Variants in HNF4G observed in about 807,000 individuals in gnomAD.
The protein encoded by HNF4G is hepatocyte nuclear factor 4 gamma, also known as hepatocyte nuclear factor 4-gamma.
HNF4G carries 21 observed loss-of-function variants against 50.9 expected under a neutral mutation model. The observed-to-expected ratio is 0.41, with a 90% CI of 0.29 to 0.59. The LOEUF (loss-of-function observed/expected upper bound fraction) is 0.59, where lower values mean the gene tolerates loss of function less well. HNF4G is among the 20% of genes least tolerant of loss of function. The pLI is 0.26. For synonymous variants in HNF4G, 198 were observed against 185.6 expected (o/e 1.07, Z -0.54); for missense variants, 527 against 559.4 (o/e 0.94, Z 0.58).
intron 1 of HNF4G, among the ~76,000 whole-genome samples, chr8:75,430,078 G>A (rs1487057355): frequency 6.6e-6 from 1 of 151,774 alleles, no homozygotes; most frequent in Non-Finnish European, 1.5e-5. Flanking sequence ...TTGAACCCGG[G>A]AGGCAGAGAT....
chr8:75,526,257 T>G, intron 2 of HNF4G, among the ~76,000 whole-genome samples: 1 of 151,656 alleles, frequency 6.6e-6, no homozygotes, highest in Non-Finnish European at 1.5e-5. Flanking sequence ...ACCTCCCGAG[T>G]AGCTGTGACC....
chr8:75,489,385 T>C (rs2067985), intron 1 of HNF4G, among the ~76,000 whole-genome samples: 34,717 of 152,096 alleles, frequency 0.23, 5,173 homozygotes, highest in African/African-American at 0.42. Flanking sequence ...AATAATGGAA[T>C]TATTAATGCT....
At chr8:75,446,956 A>G (rs1811433616) in intron 1 of HNF4G, among the ~76,000 whole-genome samples, 1 of 142,744 alleles carries the variant, frequency 7.0e-6, no homozygotes, top group South Asian at 2.3e-4. Context: ...GGAACCAAAA[A>G]AGAGCCCGCA....
intron 1 of HNF4G, among the ~76,000 whole-genome samples, chr8:75,449,980 C>A (rs552925750): frequency 7.9e-5 from 12 of 152,224 alleles, no homozygotes; most frequent in African/African-American, 2.9e-4. Flanking sequence ...ATTTTGTGTC[C>A]TTTGACAACA....
At chr8:75,509,939 T>C (rs1200201825) in intron 2 of HNF4G, among the ~76,000 whole-genome samples, 3 of 152,220 alleles carry the variant, frequency 2.0e-5, no homozygotes, top group Non-Finnish European at 4.4e-5. Flanking sequence ...TTTTAGATTG[T>C]ACTTCTACTT....
Position 75,533,771 on chromosome 8 carries a change from CTCAA to C in HNF4G, c.-23-10035_-23-10032del, listed in dbSNP as rs775788508. Among the ~76,000 whole-genome samples, 13 of 151,948 alleles carry C rather than the reference CTCAA, an allele frequency of 8.6e-5. No homozygotes were observed. The East Asian group carries it at 1.3e-3, about 16-fold the overall frequency. On this transcript the variant is annotated intron_variant, in intron 2 of 10. Coordinates refer to the HNF4G transcript ENST00000354370. Reference sequence around the variant, plus strand: ...AGATGCAAATATTGTTTACTTTTATCTCAATCAAATATCACATTAAAATGTTATT... The same window carrying C: ...AGATGCAAATATTGTTTACTTTTATCTCAAATATCACATTAAAATGTTATT...
At chr8:75,483,547 G>A (rs886427883) in intron 1 of HNF4G, among the ~76,000 whole-genome samples, 2 of 152,092 alleles carry the variant, frequency 1.3e-5, no homozygotes, top group African/African-American at 4.8e-5. Flanking sequence ...ACTGCCCCCT[G>A]CATCTCACCA....
intron 1 of HNF4G, among the ~76,000 whole-genome samples, chr8:75,417,436 T>A (rs974767084): frequency 3.9e-5 from 6 of 152,322 alleles, no homozygotes; most frequent in East Asian, 3.9e-4. Flanking sequence ...GGAAACTGAG[T>A]CAAGGAGATG....
At chr8:75,563,024 T>C (rs1238799152) in intron 9 of HNF4G, among the ~76,000 whole-genome samples, 2 of 152,278 alleles carry the variant, frequency 1.3e-5, no homozygotes, top group African/African-American at 2.4e-5. Context: ...ATAAAGCTAA[T>C]GTATTAATGA....
chr8:75,546,507 C>G (rs1806783281), intron 2 of HNF4G, among the ~76,000 whole-genome samples: 1 of 152,048 alleles, frequency 6.6e-6, no homozygotes, highest in Non-Finnish European at 1.5e-5. Context: ...AGTTACTCCC[C>G]CATTTCCTCC....
intron 1 of HNF4G, among the ~76,000 whole-genome samples, chr8:75,483,225 T>G (rs941826124): frequency 5.3e-5 from 8 of 151,188 alleles, no homozygotes; most frequent in African/African-American, 2.0e-4. Flanking sequence ...ATTAAAATAT[T>G]TATTCATTTA....
intron 1 of HNF4G, among the ~76,000 whole-genome samples, chr8:75,489,193 CT>C (rs1342399985): frequency 6.6e-6 from 1 of 152,154 alleles, no homozygotes; most frequent in Non-Finnish European, 1.5e-5. Flanking sequence ...CAAATTTTAC[CT>C]GAGTGCTTCT....
At chr8:75,496,656 A>C (rs1366705421) in intron 2 of HNF4G, among the ~76,000 whole-genome samples, 2 of 152,108 alleles carry the variant, frequency 1.3e-5, no homozygotes, top group Admixed American at 6.5e-5. Flanking sequence ...CAAGAACATA[A>C]CTGGTTGTCA....
chr8:75,546,627 T>C (rs1230401803), intron 2 of HNF4G, among the ~76,000 whole-genome samples: 3 of 152,148 alleles, frequency 2.0e-5, no homozygotes, highest in Non-Finnish European at 4.4e-5. Context: ...TATGATCTCT[T>C]GTGACTTACT....
chr8:75,434,249 G>T (rs923701563), intron 1 of HNF4G, among the ~76,000 whole-genome samples: 1 of 151,432 alleles, frequency 6.6e-6, no homozygotes, highest in Non-Finnish European at 1.5e-5. Context: ...TGATCTGCCC[G>T]CCTTTGCCTC....
intron 2 of HNF4G, among the ~76,000 whole-genome samples, chr8:75,499,676 A>G (rs543885028): frequency 6.6e-6 from 1 of 152,184 alleles, no homozygotes; most frequent in African/African-American, 2.4e-5. Flanking sequence ...CAGTACTAAC[A>G]TAAGAATAGA....
Position 75,477,793 on chromosome 8 carries a change from C to A in HNF4G, c.-143-12296C>A, listed in dbSNP as rs1585878511. Among the ~76,000 whole-genome samples, 4 of 151,770 alleles carry A rather than the reference C, an allele frequency of 2.6e-5. No homozygotes were observed. The East Asian group carries it at 7.8e-4, about 30-fold the overall frequency. On this transcript the variant is annotated intron_variant, in intron 1 of 10. Coordinates refer to the HNF4G transcript ENST00000354370. ...GACCAGTCTGACCGATATGGAGAAA[C>A]CCCGTCTCTACTAAAAATACAAAAT...
chr8:75,448,201 T>C (rs1414909444), intron 1 of HNF4G, among the ~76,000 whole-genome samples: 15 of 137,668 alleles, frequency 1.1e-4, no homozygotes, highest in Admixed American at 1.5e-4. Flanking sequence ...CCAAACACCG[T>C]ATATTCTCAC....
intron 2 of HNF4G, among the ~76,000 whole-genome samples, chr8:75,529,132 A>C (rs1563542242): frequency 1.4e-5 from 1 of 72,930 alleles, no homozygotes; most frequent in African/African-American, 7.1e-5. Flanking sequence ...TAAAAATACA[A>C]AAAAAAAAAT....
Sources: gnomAD v4.1 joint callset for allele counts (sites outside exome capture counted in the v4.1 genomes callset) on GRCh38, gnomAD v4.1.1 for gene constraint, MANE v1.5 for transcripts, NCBI Gene and HGNC (gene_info 2026-07-23, HGNC 2026-07-21) for gene names.